Variants in CHD7 observed in about 807,000 individuals in gnomAD.
The protein encoded by CHD7 is ATP-dependent chromatin remodeler CHD7.
In CHD7, 24 loss-of-function variants were observed where a neutral mutation model predicts 307.3. The observed-to-expected ratio is 0.08, with a 90% CI of 0.06 to 0.11. The LOEUF (loss-of-function observed/expected upper bound fraction) is 0.11, where lower values mean the gene tolerates loss of function less well. Among genes scored for constraint, CHD7 ranks in the 10% least tolerant of loss-of-function variants. The pLI, the probability that CHD7 is intolerant of heterozygous loss-of-function variation, is 1.00. For missense variants in CHD7, 3,106 were observed against 3,727.1 expected, an observed-to-expected ratio of 0.83 and a Z score of 4.34; for synonymous variants, 1,363 against 1,349.9, an observed-to-expected ratio of 1.01 and a Z score of -0.21.
At chr8:60,821,439 T>A (rs1209589469) in intron 9 of CHD7, among the ~76,000 whole-genome samples, 1 of 152,084 alleles carries the variant, frequency 6.6e-6, no homozygotes, top group African/African-American at 2.4e-5. Flanking sequence ...TTTTTAAATT[T>A]CTGTCAATTC....
chr8:60,738,374 A>G (rs1034538476), intron 1 of CHD7, among the ~76,000 whole-genome samples: 3 of 152,234 alleles, frequency 2.0e-5, no homozygotes, highest in Admixed American at 6.5e-5. Flanking sequence ...TACTATTAAA[A>G]TGTAGCTACT....
chr8:60,736,320 TA>T (rs1440964259), intron 1 of CHD7, among the ~76,000 whole-genome samples: 26 of 152,166 alleles, frequency 1.7e-4, no homozygotes, highest in Admixed American at 4.6e-4. Flanking sequence ...AGATTCCTGT[TA>T]ACCGGATTCA....
Position 60,866,220 on chromosome 8 carries a change from C to A in CHD7, c.*287C>A. ...TCTGCTTTTTTTTTTTCTCTTGGTACCATTGGTATTATAATAAAGAGCAAT... is the reference window on the plus strand; with the variant it reads ...TCTGCTTTTTTTTTTTCTCTTGGTAACATTGGTATTATAATAAAGAGCAAT... On this transcript the variant is annotated 3_prime_UTR_variant, in exon 38 of 38. Transcript: ENST00000423902. 4.0e-6 allele frequency: 1 copy of A among 247,478 alleles called. No homozygotes were observed. The highest frequency in any genetic ancestry group is 7.7e-6 in the Non-Finnish European group (1 of 129,240). 15.3% of individuals were successfully genotyped at this position (247,478 alleles called of 1,614,324 possible).
chr8:60,694,558 G>A (rs1305325512), intron 1 of CHD7, among the ~76,000 whole-genome samples: 2 of 152,352 alleles, frequency 1.3e-5, no homozygotes, highest in East Asian at 1.9e-4. Context: ...AAAAAATCAC[G>A]GAGAGGCTGT....
Position 60,742,038 on chromosome 8 carries a change from G to A in CHD7, c.606G>A (p.Gln202=). Residue 202 remains glutamine, a synonymous_variant, in exon 2 of 38, where the codon CAG becomes CAA. Coordinates refer to ENST00000423902, the MANE Select transcript of CHD7 (RefSeq NM_017780.4). ...YMARGDFSMQ[Q]HGQPQQRMSQ... Reference sequence around the variant, plus strand: ...CACGTGGGGATTTTTCCATGCAGCAGCATGGTCAGCCACAGCAGAGGATGA... The same window carrying A: ...CACGTGGGGATTTTTCCATGCAGCAACATGGTCAGCCACAGCAGAGGATGA... 1 of 1,613,824 alleles carries A rather than the reference G, an allele frequency of 6.2e-7. No homozygotes were observed. The highest frequency in any genetic ancestry group is 8.5e-7 in the Non-Finnish European group (1 of 1,179,882).
chr8:60,836,191 G>A lies in CHD7; in HGVS notation c.3897G>A (p.Leu1299=). ...AGKLVLIDKL[L]PKLKAGGHRV... ...AGCTAGTGCTGATTGACAAGCTGCT[G>A]CCAAAACTGAAGGCTGGTGGCCACA... The change falls in exon 16 of 38, where the codon CTG becomes CTA. Residue 1299 remains leucine (L), a synonymous_variant. Transcript: ENST00000423902. 6.2e-7 allele frequency: 1 copy of A among 1,613,962 alleles called. No homozygotes were observed. The highest frequency in any genetic ancestry group is 1.1e-5 in the South Asian group (1 of 91,038).
At chr8:60,799,093 T>A (rs1170244137) in intron 4 of CHD7, among the ~76,000 whole-genome samples, 1 of 152,256 alleles carries the variant, frequency 6.6e-6, no homozygotes, top group Non-Finnish European at 1.5e-5. Flanking sequence ...GTAAACAAGA[T>A]ATACAGTCTT....
At chr8:60,710,009 T>C (rs142284337) in intron 1 of CHD7, among the ~76,000 whole-genome samples, 1 of 152,292 alleles carries the variant, frequency 6.6e-6, no homozygotes, top group East Asian at 1.9e-4. Flanking sequence ...CAGATTTTTA[T>C]TCCCTTAGTA....
intron 15 of CHD7, among the ~76,000 whole-genome samples, chr8:60,835,301 A>G (rs1804691228): frequency 6.6e-6 from 1 of 152,158 alleles, no homozygotes; most frequent in South Asian, 2.1e-4. Flanking sequence ...TTTCCAATGT[A>G]CCCAAGTCTT....
intron 34 of CHD7, among the ~76,000 whole-genome samples, chr8:60,858,420 A>G (rs1335744210): frequency 6.6e-6 from 1 of 152,200 alleles, no homozygotes; most frequent in East Asian, 1.9e-4. Flanking sequence ...TGCCATTTCT[A>G]GGGGTATGGC....
intron 1 of CHD7, among the ~76,000 whole-genome samples, chr8:60,713,857 C>T (rs1229975858): frequency 6.6e-6 from 1 of 152,076 alleles, no homozygotes; most frequent in African/African-American, 2.4e-5. Flanking sequence ...TCATTGCCTG[C>T]CTGAATATGA....
At chr8:60,702,328 A>G (rs756839063) in intron 1 of CHD7, among the ~76,000 whole-genome samples, 6 of 152,206 alleles carry the variant, frequency 3.9e-5, no homozygotes, top group Admixed American at 2.6e-4. Context: ...AATATAGGAT[A>G]TTCTTATTTT....
chr8:60,756,726 C>T (rs1315488766), intron 2 of CHD7, among the ~76,000 whole-genome samples: 1 of 152,152 alleles, frequency 6.6e-6, no homozygotes, highest in African/African-American at 2.4e-5. Context: ...TACACACACA[C>T]ACATTTAAAA....
chr8:60,854,473 G>C lies in CHD7; in HGVS notation c.6886G>C (p.Val2296Leu). 1 of 1,611,404 alleles carries C rather than the reference G, an allele frequency of 6.2e-7. No homozygotes were observed. Residue 2296 changes from valine (V) to leucine (L), a missense_variant, in exon 32 of 38, where the codon GTA becomes CTA. By Grantham distance (32) the Val-to-Leu change is conservative. Transcript: ENST00000423902. ...CTACATGGAGGACGGAGATCCTTCA[G>C]TAGCTCAGCTCCTTCATGAAAGAAC... ...GFYMEDGDPS[V>L]AQLLHERTFA...
At chr8:60,761,850 A>G (rs573608299) in intron 2 of CHD7, among the ~76,000 whole-genome samples, 1 of 152,260 alleles carries the variant, frequency 6.6e-6, no homozygotes, top group South Asian at 2.1e-4. Flanking sequence ...TCTAAGTTGG[A>G]TAAAGTAAGA....
intron 2 of CHD7, among the ~76,000 whole-genome samples, chr8:60,756,328 C>T (rs535213015): frequency 6.6e-6 from 1 of 152,062 alleles, no homozygotes; most frequent in African/African-American, 2.4e-5. Context: ...AGGATATAGT[C>T]ATCTATACAT....
chr8:60,766,846 G>A (rs551884480), intron 2 of CHD7, among the ~76,000 whole-genome samples: 5 of 152,286 alleles, frequency 3.3e-5, no homozygotes, highest in African/African-American at 1.2e-4. Context: ...AGAGTTGAAG[G>A]AAGTGGTGTG....
chr8:60,818,370 AAGTT>A (rs1803848645), intron 8 of CHD7, among the ~76,000 whole-genome samples: 1 of 152,242 alleles, frequency 6.6e-6, no homozygotes, highest in African/African-American at 2.4e-5. Context: ...TGTGTAGGAA[AAGTT>A]AAGGATTTTA....
At chr8:60,808,927 C>G (rs1167764045) in intron 7 of CHD7, 1 of 152,132 alleles carries the variant, frequency 6.6e-6, no homozygotes, top group Non-Finnish European at 1.5e-5. Context: ...ATTTTGTAAC[C>G]TAAATAACAA....
Sources: allele counts gnomAD v4.1 joint callset (sites outside exome capture counted in the v4.1 genomes callset), GRCh38; gene constraint gnomAD v4.1.1; transcripts MANE v1.5; gene names NCBI Gene and HGNC (gene_info 2026-07-23, HGNC 2026-07-21).